The following IFNLR1 variants were observed in gnomAD, a reference collection of about 807,000 sequenced individuals.
The protein encoded by IFNLR1 is CRF2-12.
In IFNLR1, 28 loss-of-function variants were observed where a neutral mutation model predicts 52.5. That is an observed-to-expected ratio of 0.53 (90% CI 0.40 to 0.73). IFNLR1 has a LOEUF of 0.73. Among genes scored for constraint, IFNLR1 ranks in the 30% least tolerant of loss-of-function variants. IFNLR1 has a pLI of 0.00. For missense variants in IFNLR1, 623 were observed against 659.1 expected, an observed-to-expected ratio of 0.95 and a Z score of 0.60; for synonymous variants, 276 against 274.9, an observed-to-expected ratio of 1.00 and a Z score of -0.04.
At position 24,187,232 on chromosome 1, in the gene IFNLR1, C is replaced by T; in HGVS notation, c.17G>A (p.Arg6His). ...CAGGCACAGGAGCAGGGGGCCCCAG[C>T]GCTCGGGCCCCGCCATGGCCTTCCT... Reference protein sequence around the residue: MAGPERWGPLLLCLLQ... With the variant: MAGPEHWGPLLLCLLQ... The change falls in exon 1 of 7, where the codon CGC becomes CAC. Residue 6 changes from arginine (R) to histidine (H), a missense_variant. Coordinates refer to ENST00000327535, the MANE Select transcript of IFNLR1 (RefSeq NM_170743.4). 1.6e-6 allele frequency: 2 copies of T among 1,287,068 alleles called. No individual in the cohort carries two copies. Among genetic ancestry groups the T allele is most frequent in the South Asian group, 2.3e-5 (1 of 42,952 alleles). 79.7% of individuals were successfully genotyped at this position (1,287,068 alleles called of 1,614,324 possible).
chr1:24,171,571 C>T (rs1479864137), intron 2 of IFNLR1, among the ~76,000 whole-genome samples: 1 of 152,132 alleles, frequency 6.6e-6, no homozygotes, highest in East Asian at 1.9e-4. Flanking sequence ...TCACTGCAGC[C>T]TCTACTCCTG....
chr1:24,159,354 C>T (rs754991152), intron 5 of IFNLR1, 120 bp downstream of exon 5: 20 of 1,250,386 alleles, frequency 1.6e-5, no homozygotes, highest in Non-Finnish European at 2.3e-5. Flanking sequence ...CAAAGACACA[C>T]AATGAGTGTG....
At position 24,159,461 on chromosome 1, in the gene IFNLR1, A is replaced by G. The variant is rs761350693; in HGVS notation, c.670+13T>C. 10 of 1,613,484 alleles carry G rather than the reference A, an allele frequency of 6.2e-6. No individual in the cohort carries two copies. The South Asian group carries it at 9.9e-5, about 16-fold the overall frequency. ...GAGGGAAAGTTTCTCTTTCTGCACC[A>G]CTTGATACCCACCTGGGACCTCCAG... On this transcript the variant is annotated intron_variant, in intron 5 of 6. Coordinates refer to ENST00000327535, the MANE Select transcript of IFNLR1 (RefSeq NM_170743.4).
At chr1:24,181,861 C>A (rs1644694006) in intron 1 of IFNLR1, among the ~76,000 whole-genome samples, 1 of 152,108 alleles carries the variant, frequency 6.6e-6, no homozygotes, top group South Asian at 2.1e-4. Flanking sequence ...GGACCCCCAG[C>A]CATGGGTTAG....
chr1:24,182,325 G>A (rs929131747), intron 1 of IFNLR1, among the ~76,000 whole-genome samples: 3 of 152,188 alleles, frequency 2.0e-5, no homozygotes, highest in Non-Finnish European at 4.4e-5. Flanking sequence ...TTTAGCTGGA[G>A]GCGATCAAAA....
intron 1 of IFNLR1, among the ~76,000 whole-genome samples, chr1:24,182,199 CAA>C (rs60217046): frequency 0.71 from 94,581 of 132,632 alleles, 33,228 homozygotes; most frequent in African/African-American, 0.85. Context: ...GACTCCATTC[CAA>C]AAAAAAAAAA....
intron 2 of IFNLR1, among the ~76,000 whole-genome samples, chr1:24,174,624 T>C (rs746179980): frequency 6.6e-6 from 1 of 152,096 alleles, no homozygotes; most frequent in Non-Finnish European, 1.5e-5. Context: ...AAATTAGAAG[T>C]TAAAAGTTCA....
intron 3 of IFNLR1, among the ~76,000 whole-genome samples, chr1:24,169,123 T>C (rs1346117721): frequency 1.3e-5 from 2 of 152,222 alleles, no homozygotes; most frequent in Non-Finnish European, 2.9e-5. Flanking sequence ...GTGCCTTGTG[T>C]AGTCCATGAC....
chr1:24,167,624 A>T (rs2148593677), intron 3 of IFNLR1, among the ~76,000 whole-genome samples: 1 of 152,094 alleles, frequency 6.6e-6, no homozygotes, highest in African/African-American at 2.4e-5. Flanking sequence ...ATCTCAAATG[A>T]TCCATCCGCC....
intron 1 of IFNLR1, among the ~76,000 whole-genome samples, chr1:24,184,942 C>G (rs565326170): frequency 3.9e-5 from 6 of 152,184 alleles, no homozygotes; most frequent in African/African-American, 1.4e-4. Flanking sequence ...TTGCTTGAAC[C>G]CGATAGGTGG....
chr1:24,177,387 C>T (rs1644643710), intron 2 of IFNLR1, among the ~76,000 whole-genome samples: 1 of 152,100 alleles, frequency 6.6e-6, no homozygotes, highest in South Asian at 2.1e-4. Context: ...ACCAAAGATC[C>T]GAGAGCCCCC....
rs1644382441 is a variant in IFNLR1, at chr1:24,156,769, G to A, written c.*361C>T. On this transcript the variant is annotated 3_prime_UTR_variant, in exon 7 of 7. Coordinates refer to ENST00000327535, the MANE Select transcript of IFNLR1 (RefSeq NM_170743.4). Reference sequence around the variant, plus strand: ...AAGTTCCAGAGGGCCCCTTGGTGGTGTCCGCCCTTGATGTCCGCAGTGACC... The same window carrying A: ...AAGTTCCAGAGGGCCCCTTGGTGGTATCCGCCCTTGATGTCCGCAGTGACC... 4.5e-6 allele frequency: 1 copy of A among 224,228 alleles called. No individual in the cohort carries two copies. Among genetic ancestry groups the A allele is most frequent in the African/African-American group, 2.3e-5 (1 of 43,484 alleles). The allele number at this position is 224,228 out of a possible 1,614,324, so 13.9% of individuals were successfully genotyped here.
chr1:24,154,554 C>G lies in IFNLR1; in HGVS notation c.*2576G>C, dbSNP rs1644359824. ...ATAAAGGAGATGGAGTTTAGAGTTA[C>G]TGGAAAACTTAAGCTATGTCAGAAA... is the stretch of plus-strand genomic sequence containing the variant. On this transcript the variant is annotated 3_prime_UTR_variant, in exon 7 of 7. Coordinates refer to ENST00000327535, the MANE Select transcript of IFNLR1 (RefSeq NM_170743.4). The G allele has an allele frequency of 6.6e-6, 1 of 152,174 alleles. No homozygotes were observed. Among genetic ancestry groups the G allele is most frequent in the African/African-American group, 2.4e-5 (1 of 41,446 alleles). 9.4% of individuals were successfully genotyped at this position (152,174 alleles called of 1,614,324 possible).
intron 1 of IFNLR1, 80 bp from the exon 2 acceptor site, chr1:24,180,934 C>G: frequency 6.8e-7 from 1 of 1,469,172 alleles, no homozygotes; most frequent in Admixed American, 2.0e-5. Context: ...AGGGGCAGCA[C>G]GAAGGGCAAG....
At chr1:24,167,023 C>A (rs887379952) in intron 3 of IFNLR1, among the ~76,000 whole-genome samples, 1 of 152,196 alleles carries the variant, frequency 6.6e-6, no homozygotes, top group Non-Finnish European at 1.5e-5. Flanking sequence ...TCTGTCCTCA[C>A]CAGTGTGGGC....
chr1:24,169,083 G>C (rs537242825), intron 3 of IFNLR1, among the ~76,000 whole-genome samples: 1 of 127,208 alleles, frequency 7.9e-6, no homozygotes, highest in African/African-American at 3.0e-5. Context: ...GAGAGAAGCT[G>C]AACATAAAAA....
chr1:24,180,668 C>CCCCGG, intron 2 of IFNLR1, 63 bp downstream of exon 2: 2 of 1,238,452 alleles, frequency 1.6e-6, no homozygotes, highest in Non-Finnish European at 2.3e-6. Context: ...CCCAGAGAAG[C>CCCCGG]CCCTCCAGCC....
At chr1:24,169,655 G>C in intron 2 of IFNLR1, 54 bp from the exon 3 acceptor site, 1 of 1,542,294 alleles carries the variant, frequency 6.5e-7, no homozygotes, top group Non-Finnish European at 8.8e-7. Context: ...TCCGGGTCAG[G>C]GAACTTAGAG....
In IFNLR1 at chr1:24,157,412, T is replaced by A. The variant is rs757848472; in HGVS notation, c.1281A>T (p.Pro427=). ...GGDGHQESLP[P]PEFSKDSGFL... ...AACCCGAGTCCTTGGAGAATTCAGGTGGTGGGAGAGATTCTTGGTGCCCAT... is the reference window on the plus strand; with the variant it reads ...AACCCGAGTCCTTGGAGAATTCAGGAGGTGGGAGAGATTCTTGGTGCCCAT... Residue 427 remains proline (P), a synonymous_variant, in exon 7 of 7, where the codon CCA becomes CCT. Transcript: ENST00000327535. The surrounding 1 kb of genome is among the most constrained non-coding windows in gnomAD (Gnocchi z 5.1). 2 of 1,614,094 alleles carry A rather than the reference T, an allele frequency of 1.2e-6. No individual in the cohort carries two copies. The highest frequency in any genetic ancestry group is 1.7e-6 in the Non-Finnish European group (2 of 1,180,012).
Sources: gnomAD v4.1 joint callset for allele counts (sites outside exome capture counted in the v4.1 genomes callset) on GRCh38, gnomAD v4.1.1 for gene constraint, Gnocchi (gnomAD v3.1) non-coding constraint, MANE v1.5 for transcripts, NCBI Gene and HGNC (gene_info 2026-07-23, HGNC 2026-07-21) for gene names.